NELL1: variants seen among roughly 807,000 people sequenced by gnomAD.
NELL1 encodes the protein protein kinase C-binding protein NELL1.
NELL1 carries 76 observed loss-of-function variants against 107.4 expected under a neutral mutation model. The ratio of observed to expected loss-of-function variants is 0.71; its 90% CI spans 0.59 to 0.86. The LOEUF is 0.86. NELL1 is among the 40% of genes least tolerant of loss of function. The pLI is 0.00. For synonymous variants in NELL1, 353 were observed against 341.2 expected, an observed-to-expected ratio of 1.03 and a Z score of -0.38; for missense variants, 1,024 against 1,005.5, an observed-to-expected ratio of 1.02 and a Z score of -0.25.
chr11:21,320,701 C>T (rs944774792), intron 14 of NELL1, among the ~76,000 whole-genome samples: 1 of 152,160 alleles, frequency 6.6e-6, no homozygotes, highest in African/African-American at 2.4e-5. Flanking sequence ...ACATTTGGTT[C>T]CATTTGGTCT....
chr11:21,040,766 G>A (rs1039831502), intron 12 of NELL1, among the ~76,000 whole-genome samples: 6 of 151,978 alleles, frequency 3.9e-5, no homozygotes, highest in African/African-American at 7.3e-5. Context: ...ATATTATCTT[G>A]GATTGTTAGA....
intron 13 of NELL1, among the ~76,000 whole-genome samples, chr11:21,200,539 C>T (rs1043996420): frequency 8.5e-5 from 13 of 152,052 alleles, no homozygotes; most frequent in Non-Finnish European, 1.3e-4. Context: ...ATTAGCCCCT[C>T]ATCAAATGGG....
chr11:21,125,655 G>C (rs1368521415), intron 13 of NELL1, among the ~76,000 whole-genome samples: 7 of 152,276 alleles, frequency 4.6e-5, no homozygotes, highest in African/African-American at 1.2e-4. Flanking sequence ...TGGGAGAAAG[G>C]ACATTTATTA....
At chr11:21,019,255 A>G (rs1317582430) in intron 12 of NELL1, among the ~76,000 whole-genome samples, 2 of 152,088 alleles carry the variant, frequency 1.3e-5, no homozygotes, top group Non-Finnish European at 2.9e-5. Flanking sequence ...ACCTAGAGGT[A>G]GTATTTCTTT....
chr11:20,809,292 G>T (rs115987550), intron 3 of NELL1, among the ~76,000 whole-genome samples: 1 of 151,990 alleles, frequency 6.6e-6, no homozygotes, highest in South Asian at 2.1e-4. Flanking sequence ...GTGATGTTTC[G>T]ATATATGTAT....
At chr11:20,761,604 A>G (rs1856422504) in intron 2 of NELL1, among the ~76,000 whole-genome samples, 1 of 152,204 alleles carries the variant, frequency 6.6e-6, no homozygotes, top group African/African-American at 2.4e-5. Flanking sequence ...AAGTTTGGCA[A>G]ATGCTCAGTC....
At chr11:21,099,216 C>A (rs868515853) in intron 12 of NELL1, among the ~76,000 whole-genome samples, 3,304 of 143,620 alleles carry the variant, frequency 0.023, 123 homozygotes, top group African/African-American at 0.077. Context: ...CACACACACA[C>A]ACACACACAC....
chr11:21,170,028 T>A, intron 13 of NELL1: 2 of 1,192,818 alleles, frequency 1.7e-6, no homozygotes, highest in Non-Finnish European at 2.5e-6. Flanking sequence ...GACAGGGTTG[T>A]CATCAGCACA....
intron 14 of NELL1, 128 bp downstream of exon 14, chr11:21,229,582 C>T: frequency 2.3e-6 from 3 of 1,279,698 alleles, no homozygotes; most frequent in Non-Finnish European, 3.3e-6. Flanking sequence ...GGTTTATCAA[C>T]TGGCAAGGGT....
At chr11:21,433,279 T>C (rs1437765003) in intron 15 of NELL1, among the ~76,000 whole-genome samples, 1 of 152,228 alleles carries the variant, frequency 6.6e-6, no homozygotes, top group African/African-American at 2.4e-5. Flanking sequence ...ATTCATCTGC[T>C]GATGGGCATG....
At chr11:20,914,955 C>T (rs1335751808) in intron 5 of NELL1, among the ~76,000 whole-genome samples, 2 of 151,986 alleles carry the variant, frequency 1.3e-5, no homozygotes, top group Admixed American at 6.6e-5. Flanking sequence ...ACTATTGCCC[C>T]ACATGATCTT....
intron 15 of NELL1, among the ~76,000 whole-genome samples, chr11:21,463,091 A>G (rs1177658255): frequency 6.6e-6 from 1 of 152,056 alleles, no homozygotes; most frequent in East Asian, 1.9e-4. Flanking sequence ...ATTTTACCAC[A>G]GAGACTGGAT....
chr11:20,797,673 A>G (rs1369896309), intron 3 of NELL1, among the ~76,000 whole-genome samples: 1 of 151,854 alleles, frequency 6.6e-6, no homozygotes, highest in Non-Finnish European at 1.5e-5. Context: ...GGTGGTGCCA[A>G]TTGAGGGAAG....
At chr11:20,700,184 A>G (rs1012958700) in intron 2 of NELL1, among the ~76,000 whole-genome samples, 2 of 152,172 alleles carry the variant, frequency 1.3e-5, no homozygotes, top group African/African-American at 4.8e-5. Flanking sequence ...TAAATGGATA[A>G]TATGTATTTC....
At chr11:20,866,480 AG>A (rs1407082926) in intron 4 of NELL1, among the ~76,000 whole-genome samples, 1 of 152,222 alleles carries the variant, frequency 6.6e-6, no homozygotes, top group African/African-American at 2.4e-5. Context: ...GTGGTCCAAA[AG>A]GAGGAAGCTG....
At chr11:21,539,586 A>T (rs1856238308) in intron 16 of NELL1, among the ~76,000 whole-genome samples, 2 of 151,706 alleles carry the variant, frequency 1.3e-5, no homozygotes, top group South Asian at 4.2e-4. Context: ...TCCAGCAGCC[A>T]GACACTCCTC....
intron 14 of NELL1, among the ~76,000 whole-genome samples, chr11:21,252,031 C>T (rs149961079): frequency 7.2e-5 from 11 of 152,202 alleles, no homozygotes; most frequent in Admixed American, 1.3e-4. Context: ...AGTGTTTACA[C>T]GCAAGACTGT....
chr11:20,783,959 A>G, intron 3 of NELL1, 129 bp downstream of exon 3: 2 of 809,298 alleles, frequency 2.5e-6, no homozygotes, highest in Non-Finnish European at 3.5e-6. Flanking sequence ...TGTTGAACAC[A>G]TTCATGAATT....
At chr11:20,920,026 G>A (rs1035084030) in intron 7 of NELL1, among the ~76,000 whole-genome samples, 4 of 152,236 alleles carry the variant, frequency 2.6e-5, no homozygotes, top group East Asian at 1.9e-4. Flanking sequence ...GGAGCCAAAT[G>A]TGTAAACAAC....
Sources: gnomAD v4.1 joint callset for allele counts (sites outside exome capture counted in the v4.1 genomes callset) on GRCh38, gnomAD v4.1.1 for gene constraint, MANE v1.5 for transcripts, NCBI Gene and HGNC (gene_info 2026-07-23, HGNC 2026-07-21) for gene names.